ETV6: variants seen among roughly 807,000 people sequenced by gnomAD.
ETV6 encodes ETS variant transcription factor 6.
In ETV6, 16 loss-of-function variants were observed where a neutral mutation model predicts 51.1. The observed-to-expected ratio is 0.31, with a 90% CI of 0.21 to 0.48. The LOEUF (loss-of-function observed/expected upper bound fraction) is 0.48, where lower values mean the gene tolerates loss of function less well. Ranked by LOEUF, ETV6 falls within the 20% of genes least tolerant of loss-of-function variation. ETV6 has a pLI of 0.99. For missense variants in ETV6, 458 were observed against 594.8 expected (o/e 0.77, Z 2.39); for synonymous variants, 240 against 224.1 (o/e 1.07, Z -0.64).
intron 2 of ETV6, among the ~76,000 whole-genome samples, chr12:11,827,831 CG>C (rs1946181765): frequency 6.6e-6 from 1 of 152,014 alleles, no homozygotes; most frequent in Non-Finnish European, 1.5e-5. Flanking sequence ...GGTCCGTGTG[CG>C]GTTTAAAAGA....
chr12:11,697,826 G>A (rs1367512926), intron 1 of ETV6, among the ~76,000 whole-genome samples: 1 of 152,154 alleles, frequency 6.6e-6, no homozygotes. Context: ...CATGTGGGCT[G>A]TCTAATCTGG....
chr12:11,711,780 C>T (rs535766487), intron 1 of ETV6, among the ~76,000 whole-genome samples: 8 of 152,152 alleles, frequency 5.3e-5, no homozygotes, highest in Non-Finnish European at 1.0e-4. Flanking sequence ...ATGATTTGTA[C>T]GTCATTTCCT....
chr12:11,805,221 G>T (rs1303612285), intron 2 of ETV6, among the ~76,000 whole-genome samples: 1 of 152,188 alleles, frequency 6.6e-6, no homozygotes, highest in Non-Finnish European at 1.5e-5. Context: ...AGGAAAACGA[G>T]TTTGTTTATT....
At chr12:11,656,824 C>CTT (rs34349962) in intron 1 of ETV6, among the ~76,000 whole-genome samples, 1 of 147,362 alleles carries the variant, frequency 6.8e-6, no homozygotes, top group African/African-American at 2.5e-5. Flanking sequence ...CCTTATACAA[C>CTT]TTTTTTTTTT....
At chr12:11,700,754 G>T (rs1486486502) in intron 1 of ETV6, among the ~76,000 whole-genome samples, 1 of 152,148 alleles carries the variant, frequency 6.6e-6, no homozygotes, top group African/African-American at 2.4e-5. Flanking sequence ...TGTTGAGTAG[G>T]CTGAAGAGGG....
At chr12:11,885,009 G>T (rs1180006733) in intron 6 of ETV6, among the ~76,000 whole-genome samples, 3 of 152,188 alleles carry the variant, frequency 2.0e-5, no homozygotes, top group Admixed American at 6.6e-5. Context: ...TTTCTTTATA[G>T]AAAATACTTA....
At chr12:11,724,598 AGCC>A (rs901440943) in intron 1 of ETV6, among the ~76,000 whole-genome samples, 5 of 152,206 alleles carry the variant, frequency 3.3e-5, no homozygotes, top group Admixed American at 2.6e-4. Context: ...GTCTTCAGGA[AGCC>A]TTTATTTGTG....
At chr12:11,799,703 T>G (rs2136400622) in intron 2 of ETV6, among the ~76,000 whole-genome samples, 1 of 152,348 alleles carries the variant, frequency 6.6e-6, no homozygotes, top group Admixed American at 6.5e-5. Flanking sequence ...ACTCCCCTTC[T>G]TGGTCCCCAA....
At chr12:11,737,731 A>G (rs1250423884) in intron 1 of ETV6, among the ~76,000 whole-genome samples, 1 of 152,190 alleles carries the variant, frequency 6.6e-6, no homozygotes, top group African/African-American at 2.4e-5. Flanking sequence ...ATGGTGTGAG[A>G]ATAATGCATC....
chr12:11,794,135 G>A (rs1945643101), intron 2 of ETV6, among the ~76,000 whole-genome samples: 1 of 152,200 alleles, frequency 6.6e-6, no homozygotes, highest in Non-Finnish European at 1.5e-5. Context: ...ACGGAAGTCA[G>A]AGAAGGAGCA....
intron 1 of ETV6, among the ~76,000 whole-genome samples, chr12:11,680,633 G>A (rs1377522819): frequency 6.6e-6 from 1 of 152,186 alleles, no homozygotes; most frequent in African/African-American, 2.4e-5. Flanking sequence ...CTAAAATGAT[G>A]AACTGTCCCT....
At chr12:11,656,501 C>G (rs1565474965) in intron 1 of ETV6, among the ~76,000 whole-genome samples, 1 of 152,148 alleles carries the variant, frequency 6.6e-6, no homozygotes, top group East Asian at 1.9e-4. Context: ...GTCTTCCTAG[C>G]CATTACACAA....
intron 5 of ETV6, among the ~76,000 whole-genome samples, chr12:11,880,475 A>G (rs1053776427): frequency 3.3e-5 from 5 of 151,968 alleles, no homozygotes; most frequent in Admixed American, 6.5e-5. Context: ...CGAAAAACCA[A>G]CATGGCAGCC....
chr12:11,741,614 G>A (rs1012404834), intron 1 of ETV6, among the ~76,000 whole-genome samples: 3 of 152,200 alleles, frequency 2.0e-5, no homozygotes, highest in African/African-American at 7.2e-5. Context: ...TAACAACCAT[G>A]GCTCAGGCAC....
At chr12:11,823,797 A>G (rs1409685430) in intron 2 of ETV6, among the ~76,000 whole-genome samples, 2 of 151,720 alleles carry the variant, frequency 1.3e-5, no homozygotes, top group East Asian at 1.9e-4. Context: ...TTTCATCTTC[A>G]CTAGAATCGT....
At chr12:11,756,050 C>A (rs1163394423) in intron 2 of ETV6, among the ~76,000 whole-genome samples, 1 of 152,032 alleles carries the variant, frequency 6.6e-6, no homozygotes, top group African/African-American at 2.4e-5. Flanking sequence ...AGAGCTATAC[C>A]CAAACTGAAG....
chr12:11,759,681 G>A (rs1287894629), intron 2 of ETV6, among the ~76,000 whole-genome samples: 3 of 152,122 alleles, frequency 2.0e-5, no homozygotes, highest in Admixed American at 6.5e-5. Flanking sequence ...ATGGGTTTCC[G>A]CAGATTGAGG....
intron 2 of ETV6, among the ~76,000 whole-genome samples, chr12:11,774,593 A>G (rs1195293587): frequency 6.6e-6 from 1 of 152,230 alleles, no homozygotes; most frequent in African/African-American, 2.4e-5. Context: ...CCCAAGAGGA[A>G]TAAACAAATG....
chr12:11,863,777 CAACTTATA>C (rs1369647157), intron 4 of ETV6, among the ~76,000 whole-genome samples: 1 of 152,180 alleles, frequency 6.6e-6, no homozygotes, highest in Non-Finnish European at 1.5e-5. Context: ...GCCCTGCTGC[CAACTTATA>C]ATAACAGAGG....
Sources: allele counts gnomAD v4.1 joint callset (sites outside exome capture counted in the v4.1 genomes callset), GRCh38; gene constraint gnomAD v4.1.1; transcripts MANE v1.5; gene names NCBI Gene and HGNC (gene_info 2026-07-23, HGNC 2026-07-21).